DYNC2I2: variants seen among roughly 807,000 people sequenced by gnomAD.
DYNC2I2 encodes the protein dynein 2 intermediate chain 2.
A neutral mutation model predicts 52.0 loss-of-function variants in DYNC2I2; 39 were observed. The observed-to-expected ratio is 0.75, with a 90% confidence interval of 0.58 to 0.98. The LOEUF is 0.98. Ranked by LOEUF, DYNC2I2 falls within the 50% of genes least tolerant of loss-of-function variation. The pLI, the probability that DYNC2I2 is intolerant of heterozygous loss-of-function variation, is 0.00. For missense variants in DYNC2I2, 743 were observed against 728.4 expected (o/e 1.02, Z -0.23); for synonymous variants, 359 against 321.1 (o/e 1.12, Z -1.26).
At chr9:128,647,364 G>C (rs900543869) in intron 1 of DYNC2I2, among the ~76,000 whole-genome samples, 1 of 152,142 alleles carries the variant, frequency 6.6e-6, no homozygotes, top group African/African-American at 2.4e-5. Context: ...ATGGGAGTCA[G>C]GATCCTCACT....
chr9:128,643,473 G>A (rs1860555575), intron 1 of DYNC2I2, among the ~76,000 whole-genome samples: 1 of 151,270 alleles, frequency 6.6e-6, no homozygotes, highest in Non-Finnish European at 1.5e-5. Flanking sequence ...GTTGCAGTGA[G>A]CCGAGATCGT....
the DYNC2I2 span, among the ~76,000 whole-genome samples, chr9:128,678,738 A>G: frequency 6.6e-6 from 1 of 150,726 alleles, no homozygotes; most frequent in Non-Finnish European, 1.5e-5. Context: ...CTGGGATTAC[A>G]GGTGTGAGCT....
intron 5 of DYNC2I2, 184 bp downstream of exon 5, chr9:128,635,474 G>T: frequency 2.5e-6 from 2 of 787,172 alleles, no homozygotes; most frequent in Non-Finnish European, 2.0e-6. Context: ...TGCAGAGGAG[G>T]CTGGGAATGG....
At chr9:128,677,665 G>A in the DYNC2I2 span, among the ~76,000 whole-genome samples, 6 of 151,772 alleles carry the variant, frequency 4.0e-5, no homozygotes, top group African/African-American at 9.7e-5. Context: ...AAATTAGCTC[G>A]GCGTGCTGGC....
chr9:128,634,068 C>A, intron 8 of DYNC2I2, 86 bp from the exon 9 acceptor site: 1 of 1,563,322 alleles, frequency 6.4e-7, no homozygotes, highest in Non-Finnish European at 8.7e-7. Context: ...GGGTTCAATC[C>A]TGTTGTGTGC....
intron 1 of DYNC2I2, 140 bp downstream of exon 1, chr9:128,656,401 C>T: frequency 1.9e-6 from 1 of 535,706 alleles, no homozygotes; most frequent in Non-Finnish European, 2.5e-6. Context: ...AACGGTGGGA[C>T]GCCCGAACCC....
At chr9:128,636,099 C>G (rs1589429621) in intron 4 of DYNC2I2, 182 bp downstream of exon 4, 1 of 987,952 alleles carries the variant, frequency 1.0e-6, no homozygotes, top group East Asian at 2.6e-5. Context: ...TTCCAGACTC[C>G]TCCCCCGAGT....
chr9:128,635,282 C>G, intron 5 of DYNC2I2, 23 bp from the exon 6 acceptor site: 4 of 1,609,944 alleles, frequency 2.5e-6, no homozygotes, highest in Non-Finnish European at 3.4e-6. Flanking sequence ...CATGCAGGGC[C>G]AGGATGGAGA....
intron 1 of DYNC2I2, among the ~76,000 whole-genome samples, chr9:128,645,294 G>T (rs1050809134): frequency 6.6e-6 from 1 of 151,914 alleles, no homozygotes; most frequent in Non-Finnish European, 1.5e-5. Context: ...TCAGGAGTTC[G>T]AGACCAGCCT....
intron 2 of DYNC2I2, among the ~76,000 whole-genome samples, chr9:128,637,232 G>A (rs1860432562): frequency 6.6e-6 from 1 of 152,230 alleles, no homozygotes; most frequent in Non-Finnish European, 1.5e-5. Flanking sequence ...GGCCTGAGAA[G>A]CAAGGCCGAC....
At chr9:128,637,525 TGC>T (rs1860438703) in intron 2 of DYNC2I2, among the ~76,000 whole-genome samples, 1 of 152,148 alleles carries the variant, frequency 6.6e-6, no homozygotes, top group South Asian at 2.1e-4. Flanking sequence ...TCACTGCAAC[TGC>T]CACCTCCTGG....
chr9:128,653,497 G>A (rs192112632), intron 1 of DYNC2I2, among the ~76,000 whole-genome samples: 1 of 150,596 alleles, frequency 6.6e-6, no homozygotes, highest in Admixed American at 6.6e-5. Flanking sequence ...GGCGGATCAC[G>A]AGGTCAGGAG....
Position 128,633,786 on chromosome 9 carries a change from T to C in DYNC2I2, c.1569A>G (p.Glu523=), listed in dbSNP as rs777478835. Residue 523 remains glutamate, a synonymous_variant, in exon 9 of 9, where the codon GAA becomes GAG. Coordinates refer to ENST00000372715, the MANE Select transcript of DYNC2I2 (RefSeq NM_052844.4). Reference sequence around the variant, plus strand: ...CTGCCAGGCAGTCCAGGTCCTCAGCTTCCCGGGGCCCTTGTTCCGTGAACT... The same window carrying C: ...CTGCCAGGCAGTCCAGGTCCTCAGCCTCCCGGGGCCCTTGTTCCGTGAACT... ...STEFTEQGPR[E]AEDLDCLAAE... is the part of the protein sequence containing the mutation. 17 of 1,613,466 alleles carry C rather than the reference T, an allele frequency of 1.1e-5. 1 individual carries two copies. The Admixed American group carries it at 2.8e-4, about 27-fold the overall frequency.
At position 128,640,897 on chromosome 9, in the gene DYNC2I2, C is replaced by T. The variant is rs751309231; in HGVS notation, c.229G>A (p.Ala77Thr). ...TASIATASASAQARNHVDAQV... is the reference protein window; with the variant it reads ...TASIATASASTQARNHVDAQV... ...GCGTCCACATGATTCCTGGCCTGGG[C>T]GGATGCACTGGCAGTGGCAATGCTG... The change falls in exon 2 of 9, where the codon GCC (alanine) becomes ACC (threonine). Residue 77 changes from alanine (A) to threonine (T), a missense_variant. Ala to Thr is a moderately conservative substitution (Grantham distance 58). Transcript: ENST00000372715. The T allele has an allele frequency of 5.0e-6, 8 of 1,607,430 alleles. No individual in the cohort carries two copies. Among genetic ancestry groups the T allele is most frequent in the South Asian group, 1.1e-5 (1 of 90,666 alleles).
In DYNC2I2 at chr9:128,640,674, A is replaced by T. The variant is rs370484422; in HGVS notation, c.435+17T>A. The T allele has an allele frequency of 1.2e-6, 2 of 1,609,462 alleles. No homozygotes were observed. Among genetic ancestry groups the T allele is most frequent in the African/African-American group, 1.3e-5 (1 of 74,838 alleles). ...GGGCAGGGGCTCGACCCGAGGCTGC[A>T]CCAGCCCATCCCCTACCATCTGCTG... is the stretch of plus-strand genomic sequence containing the variant. On this transcript the variant is annotated intron_variant, in intron 2 of 8. Transcript: ENST00000372715.
chr9:128,639,116 T>C (rs1860464326), intron 2 of DYNC2I2, among the ~76,000 whole-genome samples: 1 of 151,774 alleles, frequency 6.6e-6, no homozygotes, highest in Non-Finnish European at 1.5e-5. Flanking sequence ...AAAAATTTTT[T>C]TGGCCAGGCG....
chr9:128,643,028 A>G (rs1163974008), intron 1 of DYNC2I2, among the ~76,000 whole-genome samples: 1 of 152,164 alleles, frequency 6.6e-6, no homozygotes, highest in Non-Finnish European at 1.5e-5. Flanking sequence ...TGTGAAGGAC[A>G]TGAAGGAGCC....
At chr9:128,649,153 T>C (rs1228135832) in intron 1 of DYNC2I2, among the ~76,000 whole-genome samples, 1 of 152,082 alleles carries the variant, frequency 6.6e-6, no homozygotes, top group Non-Finnish European at 1.5e-5. Context: ...CTTTTTAAAA[T>C]GGTTAAAACG....
chr9:128,671,281 A>C, the DYNC2I2 span, among the ~76,000 whole-genome samples: 2 of 150,706 alleles, frequency 1.3e-5, no homozygotes, highest in African/African-American at 2.4e-5. Context: ...AGCCTGGGCA[A>C]TAGAGTGGGA....
Sources: gnomAD v4.1 joint callset for allele counts (sites outside exome capture counted in the v4.1 genomes callset) on GRCh38, gnomAD v4.1.1 for gene constraint, MANE v1.5 for transcripts, NCBI Gene and HGNC (gene_info 2026-07-23, HGNC 2026-07-21) for gene names.